OC90: variants seen among roughly 807,000 people sequenced by gnomAD.
OC90 encodes the protein otoconin-90.
In OC90, 46 loss-of-function variants were observed where a neutral mutation model predicts 47.3. The observed-to-expected ratio is 0.97, with a 90% CI of 0.77 to 1.24. The LOEUF is 1.24. OC90 is among the 50% of genes most tolerant of loss of function. The pLI is 0.00. For synonymous variants in OC90, 271 were observed against 219.5 expected, an observed-to-expected ratio of 1.23 and a Z score of -2.07; for missense variants, 688 against 583.9, an observed-to-expected ratio of 1.18 and a Z score of -1.84.
At chr8:132,028,563 A>AAAGGAAGGAAGG (rs869234363) in intron 13 of OC90, among the ~76,000 whole-genome samples, 148 of 31,286 alleles carry the variant, frequency 4.7e-3, no homozygotes, top group East Asian at 0.044. Context: ...AGAAAGAAAG[A>AAAGGAAGGAAGG]AAGGAAGGAA....
intron 3 of OC90, 103 bp from the exon 4 acceptor site, chr8:132,044,592 C>A: frequency 1.4e-6 from 1 of 692,990 alleles, no homozygotes; most frequent in Non-Finnish European, 2.5e-6. Context: ...TCTTCATTCT[C>A]CAAAGAAAAA....
At chr8:132,052,412 G>A (rs1277546523) in intron 2 of OC90, among the ~76,000 whole-genome samples, 1 of 152,194 alleles carries the variant, frequency 6.6e-6, no homozygotes, top group Non-Finnish European at 1.5e-5. Context: ...AAATTTGCCT[G>A]TTCCTTGGCA....
At chr8:132,047,958 A>G (rs910784990) in intron 2 of OC90, among the ~76,000 whole-genome samples, 4 of 152,212 alleles carry the variant, frequency 2.6e-5, no homozygotes, top group Non-Finnish European at 5.9e-5. Context: ...GCATTCATAC[A>G]TGAGATTAGC....
At chr8:132,031,081 T>C (rs1822867046) in intron 12 of OC90, among the ~76,000 whole-genome samples, 1 of 152,208 alleles carries the variant, frequency 6.6e-6, no homozygotes. Context: ...TTAAACTTGA[T>C]CAACGCTACT....
Position 132,038,346 on chromosome 8 carries a change from C to A in OC90, c.628+444G>T, listed in dbSNP as rs570677437. On this transcript the variant is annotated intron_variant, in intron 8 of 13. Transcript: ENST00000254627. ...CTTTTGCTGCAGGCGCTGGAGAGTG[C>A]GTGGAGAAAGGGGAGGAAGGGAGAG... 6.4e-4 allele frequency among the ~76,000 whole-genome samples: 98 copies of A among 152,238 alleles called. 1 individual carries two copies. Among genetic ancestry groups the A allele is most frequent in the Non-Finnish European group, 1.1e-3 (75 of 68,010 alleles).
At chr8:132,040,770 C>G (rs1290452560) in intron 6 of OC90, among the ~76,000 whole-genome samples, 1 of 152,190 alleles carries the variant, frequency 6.6e-6, no homozygotes, top group Non-Finnish European at 1.5e-5. Flanking sequence ...TTTGCCCTTC[C>G]CAAGGTCTCA....
chr8:132,036,623 AAGACC>A (rs1490837796), intron 9 of OC90, among the ~76,000 whole-genome samples: 2 of 152,256 alleles, frequency 1.3e-5, no homozygotes, highest in Non-Finnish European at 2.9e-5. Context: ...TTTAGGCACA[AAGACC>A]GGCAAATGCC....
chr8:132,049,393 C>T (rs547579902), intron 2 of OC90, among the ~76,000 whole-genome samples: 1 of 152,292 alleles, frequency 6.6e-6, no homozygotes, highest in East Asian at 1.9e-4. Context: ...AACTAGCTAC[C>T]TGCCCGAGGA....
In OC90 at chr8:132,030,054, C is replaced by T. The variant is rs1204648191; in HGVS notation, c.1032-875G>A. ...CATTGCTAGCAATCAGAGGAACAAT[C>T]CACCTTGTATGCTCACATAGCCACT... On this transcript the variant is annotated intron_variant, in intron 12 of 13. Coordinates refer to ENST00000254627, the MANE Select transcript of OC90 (RefSeq NM_001080399.3). 2.0e-5 allele frequency among the ~76,000 whole-genome samples: 3 copies of T among 152,210 alleles called. No individual in the cohort carries two copies. The South Asian group carries it at 6.2e-4, about 31-fold the overall frequency.
rs762668452 is a variant in OC90 at position 132,034,784 on chromosome 8, G to A, written c.730C>T (p.Pro244Ser). The change falls in exon 10 of 14, where the codon CCA (proline) becomes TCA (serine). Residue 244 changes from proline (P) to serine (S), a missense_variant. Physicochemically the swap from Pro to Ser is moderately conservative, Grantham distance 74. Coordinates refer to ENST00000254627, the MANE Select transcript of OC90 (RefSeq NM_001080399.3). ...GVGAARATSPPGSAEIVATRV... is the reference protein window; with the variant it reads ...GVGAARATSPSGSAEIVATRV... ...AGGTGGAGCCCAGTAGGCTTACCTG[G>A]AGGGGACGTAGCCCTAGCAGCTCCC... is the stretch of plus-strand genomic sequence containing the variant. 3.1e-6 allele frequency: 5 copies of A among 1,609,850 alleles called. No individual in the cohort carries two copies. The highest frequency in any genetic ancestry group is 4.2e-6 in the Non-Finnish European group (5 of 1,176,992).
intron 1 of OC90, among the ~76,000 whole-genome samples, chr8:132,058,346 A>G (rs1823301789): frequency 6.6e-6 from 1 of 152,118 alleles, no homozygotes. Context: ...AATTTGCCCA[A>G]GGAAGTCTCT....
At chr8:132,025,602 T>G (rs1181025875) in intron 13 of OC90, among the ~76,000 whole-genome samples, 1 of 152,080 alleles carries the variant, frequency 6.6e-6, no homozygotes, top group Non-Finnish European at 1.5e-5. Context: ...AAGGAAAAGA[T>G]TGAGGGAAAA....
chr8:132,028,563 A>AAGAAAGG (rs1822801775), intron 13 of OC90, among the ~76,000 whole-genome samples: 4 of 31,382 alleles, frequency 1.3e-4, no homozygotes, highest in Non-Finnish European at 2.3e-4. Flanking sequence ...AGAAAGAAAG[A>AAGAAAGG]AAGGAAGGAA....
Position 132,038,806 on chromosome 8 carries a change from T to G in OC90, c.612A>C (p.Thr204=), listed in dbSNP as rs1370644760. The G allele has an allele frequency of 6.2e-7, 1 of 1,613,890 alleles. No individual in the cohort carries two copies. Among genetic ancestry groups the G allele is most frequent in the South Asian group, 1.1e-5 (1 of 91,052 alleles). The change falls in exon 8 of 14, where the codon ACA becomes ACC. Residue 204 remains threonine (T), a synonymous_variant. Transcript: ENST00000254627. The part of the protein sequence containing the change: ...TPETTIKEDL[T]TLLPRVVPVE... Reference sequence around the variant, plus strand: ...AGGCCTTACCTCTGGGCAGAAGTGTTGTCAAGTCTTCCTTGATGGTTGTCT... The same window carrying G: ...AGGCCTTACCTCTGGGCAGAAGTGTGGTCAAGTCTTCCTTGATGGTTGTCT...
Position 132,038,847 on chromosome 8 carries a change from T to G in OC90, c.587-16A>C. 1 of 1,613,754 alleles carries G rather than the reference T, an allele frequency of 6.2e-7. No individual in the cohort carries two copies. The highest frequency in any genetic ancestry group is 1.1e-5 in the South Asian group (1 of 91,050). ...ATGGTTGTCTCTGAAAAGAAAACACTTTGGAAAGTCTGTTGAGAGCAGTGG... is the reference window on the plus strand; with the variant it reads ...ATGGTTGTCTCTGAAAAGAAAACACGTTGGAAAGTCTGTTGAGAGCAGTGG... On this transcript the variant is annotated splice_polypyrimidine_tract_variant and intron_variant, in intron 7 of 13. Coordinates refer to ENST00000254627, the MANE Select transcript of OC90 (RefSeq NM_001080399.3).
chr8:132,053,236 C>T (rs1298568752), intron 2 of OC90, among the ~76,000 whole-genome samples: 1 of 152,174 alleles, frequency 6.6e-6, no homozygotes, highest in Non-Finnish European at 1.5e-5. Flanking sequence ...TCTCTCATTG[C>T]ACCTGTCACC....
At chr8:132,053,647 C>T (rs1048354172) in intron 2 of OC90, among the ~76,000 whole-genome samples, 2 of 152,176 alleles carry the variant, frequency 1.3e-5, no homozygotes, top group Admixed American at 6.5e-5. Context: ...CTCAGAGGAT[C>T]TGGAAGGAAA....
At chr8:132,052,856 A>G (rs76049934) in intron 2 of OC90, among the ~76,000 whole-genome samples, 1,985 of 152,252 alleles carry the variant, frequency 0.013, 42 homozygotes, top group African/African-American at 0.046. Context: ...TTCTGTCATT[A>G]CCATCTTATA....
chr8:132,047,500 A>G (rs958727452), intron 2 of OC90, among the ~76,000 whole-genome samples: 3 of 152,128 alleles, frequency 2.0e-5, no homozygotes, highest in African/African-American at 4.8e-5. Flanking sequence ...TTACTGTCCA[A>G]TTGTAAAAAG....
Sources: allele counts gnomAD v4.1 joint callset (sites outside exome capture counted in the v4.1 genomes callset), GRCh38; gene constraint gnomAD v4.1.1; transcripts MANE v1.5; gene names NCBI Gene and HGNC (gene_info 2026-07-23, HGNC 2026-07-21).